The following N4BP2L2 variants were observed in gnomAD, a reference collection of about 807,000 sequenced individuals.
N4BP2L2 encodes NEDD4 binding protein 2 like 2.
A neutral mutation model predicts 56.2 loss-of-function variants in N4BP2L2; 50 were observed. The ratio of observed to expected loss-of-function variants is 0.89; its 90% confidence interval spans 0.71 to 1.13. The LOEUF (loss-of-function observed/expected upper bound fraction) is 1.13, where lower values mean the gene tolerates loss of function less well. N4BP2L2 is among the 50% of genes most tolerant of loss of function. The pLI, the probability that N4BP2L2 is intolerant of heterozygous loss-of-function variation, is 0.00. For synonymous variants in N4BP2L2, 203 were observed against 223.6 expected, an observed-to-expected ratio of 0.91 and a Z score of 0.82; for missense variants, 689 against 693.8, an observed-to-expected ratio of 0.99 and a Z score of 0.08.
At chr13:32,450,012 G>A (rs2077658469) in intron 6 of N4BP2L2, among the ~76,000 whole-genome samples, 5 of 152,172 alleles carry the variant, frequency 3.3e-5, no homozygotes, top group Admixed American at 3.3e-4. Context: ...AGAACAATGA[G>A]ACAAAGACAC....
At chr13:32,468,065 T>C (rs925792246) in intron 6 of N4BP2L2, among the ~76,000 whole-genome samples, 1 of 151,850 alleles carries the variant, frequency 6.6e-6, no homozygotes, top group African/African-American at 2.4e-5. Context: ...AACTCACAAG[T>C]GGAAATGTCA....
downstream of N4BP2L2, chr13:32,507,102 T>C (rs1282621948): frequency 1.3e-5 from 2 of 152,158 alleles, no homozygotes; most frequent in African/African-American, 4.8e-5. Flanking sequence ...GCAAAGTCCA[T>C]AGAATCCATT....
At chr13:32,494,110 A>C (rs113454537) in intron 6 of N4BP2L2, among the ~76,000 whole-genome samples, 3 of 151,772 alleles carry the variant, frequency 2.0e-5, no homozygotes, top group African/African-American at 7.3e-5. Flanking sequence ...CATGTCTACT[A>C]AAAATAAAAA....
At chr13:32,533,153 G>A (rs745863552) in intron 2 of N4BP2L2, among the ~76,000 whole-genome samples, 15 of 152,068 alleles carry the variant, frequency 9.9e-5, no homozygotes, top group Non-Finnish European at 2.1e-4. Flanking sequence ...CCTTGTTATA[G>A]TTACATACCA....
At chr13:32,519,986 G>A (rs34419194) in intron 5 of N4BP2L2, among the ~76,000 whole-genome samples, 4,732 of 152,094 alleles carry the variant, frequency 0.031, 106 homozygotes, top group Middle Eastern at 0.065. Context: ...TTCCACCTCA[G>A]GTATGATACA....
At chr13:32,499,272 A>T (rs1000638571) in intron 6 of N4BP2L2, among the ~76,000 whole-genome samples, 1 of 152,202 alleles carries the variant, frequency 6.6e-6, no homozygotes, top group African/African-American at 2.4e-5. Flanking sequence ...ATTCATGCAG[A>T]CAACAGAATT....
intron 6 of N4BP2L2, among the ~76,000 whole-genome samples, chr13:32,503,063 C>A (rs565742358): frequency 2.4e-3 from 363 of 148,928 alleles, no homozygotes; most frequent in South Asian, 0.01. Flanking sequence ...ATCCCAGCGA[C>A]TCGGGAGGCT....
chr13:32,455,762 C>T (rs1382783151), intron 6 of N4BP2L2, among the ~76,000 whole-genome samples: 5 of 152,070 alleles, frequency 3.3e-5, no homozygotes, highest in Admixed American at 1.3e-4. Flanking sequence ...GATTGCCCCA[C>T]CCTATCCACC....
At chr13:32,524,414 T>C (rs774856001) in intron 3 of N4BP2L2, 5 of 152,224 alleles carry the variant, frequency 3.3e-5, no homozygotes, top group South Asian at 2.1e-4. Flanking sequence ...TCCAATACCA[T>C]AGTCTAGTAC....
downstream of N4BP2L2, chr13:32,505,507 C>T (rs2090790329): frequency 6.6e-6 from 1 of 152,144 alleles, no homozygotes; most frequent in Admixed American, 6.5e-5. Flanking sequence ...CTTAATAATT[C>T]CTTCTTAAAT....
intron 6 of N4BP2L2, among the ~76,000 whole-genome samples, chr13:32,469,048 G>T (rs1029207534): frequency 6.6e-6 from 1 of 152,210 alleles, no homozygotes; most frequent in Non-Finnish European, 1.5e-5. Flanking sequence ...AGCTGCTGAT[G>T]AAAGAGCTGC....
chr13:32,512,414 A>G (rs2048328926), exon 6 of N4BP2L2: 1 of 152,030 alleles, frequency 6.6e-6, no homozygotes, highest in Non-Finnish European at 1.5e-5. Flanking sequence ...AAAATCATCT[A>G]TTTTTTTCCA....
chr13:32,469,564 T>A (rs1485030881), intron 6 of N4BP2L2, among the ~76,000 whole-genome samples: 1 of 152,114 alleles, frequency 6.6e-6, no homozygotes, highest in Non-Finnish European at 1.5e-5. Flanking sequence ...GCCCCAAAGG[T>A]AGGCCTAGGG....
At position 32,501,351 on chromosome 13, in the gene N4BP2L2, G is replaced by A. The variant is rs1172216628; in HGVS notation, c.365+16506C>T. Reference sequence around the variant, plus strand: ...ATAATGTTACGTATGAGAAACAAGGGGAAAATGTCTCCATGAAAACCGAGA... The same window carrying A: ...ATAATGTTACGTATGAGAAACAAGGAGAAAATGTCTCCATGAAAACCGAGA... On this transcript the variant is annotated intron_variant, in intron 6 of 9. Coordinates refer to the N4BP2L2 transcript ENST00000357505. Among the ~76,000 whole-genome samples the A allele has an allele frequency of 2.6e-5, 4 of 151,966 alleles. No homozygotes were observed. In the East Asian group the frequency reaches 7.7e-4, roughly 29 times the overall value.
At chr13:32,494,235 A>G (rs1260747375) in intron 6 of N4BP2L2, among the ~76,000 whole-genome samples, 1 of 151,966 alleles carries the variant, frequency 6.6e-6, no homozygotes, top group Non-Finnish European at 1.5e-5. Context: ...GTGAGCCAAG[A>G]TTGCGTCACT....
intron 6 of N4BP2L2, among the ~76,000 whole-genome samples, chr13:32,484,778 C>A (rs1419978470): frequency 6.6e-6 from 1 of 152,216 alleles, no homozygotes; most frequent in African/African-American, 2.4e-5. Context: ...AGCCACCATG[C>A]CCGGCTGTAA....
At chr13:32,446,280 G>T in intron 6 of N4BP2L2, 3 of 981,372 alleles carry the variant, frequency 3.1e-6, no homozygotes, top group South Asian at 1.4e-5. Context: ...AGAAACAGTT[G>T]TGATGGGGCC....
intron 6 of N4BP2L2, among the ~76,000 whole-genome samples, chr13:32,450,273 T>G (rs953882497): frequency 6.6e-6 from 1 of 152,028 alleles, no homozygotes; most frequent in East Asian, 1.9e-4. Context: ...GTAGAAAAAT[T>G]ATAATGGAAA....
At chr13:32,463,789 T>C (rs2138760090) in intron 6 of N4BP2L2, among the ~76,000 whole-genome samples, 1 of 148,966 alleles carries the variant, frequency 6.7e-6, no homozygotes, top group East Asian at 2.0e-4. Context: ...GAGAGAAAAA[T>C]ACTGTGAACC....
Sources: gnomAD v4.1 joint callset for allele counts (sites outside exome capture counted in the v4.1 genomes callset) on GRCh38, gnomAD v4.1.1 for gene constraint, MANE v1.5 for transcripts, NCBI Gene and HGNC (gene_info 2026-07-23, HGNC 2026-07-21) for gene names.